ITGA8: variants seen among roughly 807,000 people sequenced by gnomAD.
ITGA8 encodes the protein integrin alpha-8.
ITGA8 carries 91 observed loss-of-function variants against 142.3 expected under a neutral mutation model. The ratio of observed to expected loss-of-function variants is 0.64; its 90% CI spans 0.54 to 0.76. The LOEUF is 0.76. ITGA8 is among the 30% of genes least tolerant of loss of function. ITGA8 has a pLI of 0.00. For synonymous variants in ITGA8, 505 were observed against 485.2 expected, an observed-to-expected ratio of 1.04 and a Z score of -0.54; for missense variants, 1,406 against 1,327.7, an observed-to-expected ratio of 1.06 and a Z score of -0.92.
chr10:15,523,831 C>CTGA (rs1339529707), intron 28 of ITGA8, among the ~76,000 whole-genome samples: 2 of 151,278 alleles, frequency 1.3e-5, no homozygotes, highest in Admixed American at 6.6e-5. Context: ...GCTCAGGAGG[C>CTGA]TGAGGCAGGA....
At position 15,616,590 on chromosome 10, in the gene ITGA8, G is replaced by A. The variant is rs748131005; in HGVS notation, c.1400-31C>T. The A allele has an allele frequency of 9.4e-6, 15 of 1,590,568 alleles. No homozygotes were observed. In the Admixed American group the frequency reaches 1.2e-4, roughly 12 times the overall value. On this transcript the variant is annotated intron_variant, in intron 13 of 29. Transcript: ENST00000378076. ...AAAGACAAAAACACAGAACACATGC[G>A]TGAATCGTATAGAAACAATTTACTA...
At chr10:15,539,506 G>T (rs556378482) in intron 27 of ITGA8, among the ~76,000 whole-genome samples, 2 of 151,990 alleles carry the variant, frequency 1.3e-5, no homozygotes, top group Admixed American at 1.3e-4. Context: ...CCAATACTGC[G>T]GGTCATTATT....
chr10:15,607,744 C>CA lies in ITGA8; in HGVS notation c.1696_1697insT (p.Arg566LeufsTer25). On this transcript the variant is annotated frameshift_variant, in exon 17 of 30. Coordinates refer to ENST00000378076, the MANE Select transcript of ITGA8 (RefSeq NM_003638.3). LOFTEE classifies it high-confidence loss of function. ...CCTTTTTATCACAAGAGGGAAGACG[C>CA]GATGAGCCTGATGGTTATCAAGGAA... 6.2e-7 allele frequency: 1 copy of CA among 1,613,720 alleles called. No individual in the cohort carries two copies. Among genetic ancestry groups the CA allele is most frequent in the Non-Finnish European group, 8.5e-7 (1 of 1,179,666 alleles).
At chr10:15,562,635 T>C (rs1035101513) in intron 25 of ITGA8, among the ~76,000 whole-genome samples, 1 of 151,968 alleles carries the variant, frequency 6.6e-6, no homozygotes, top group Non-Finnish European at 1.5e-5. Context: ...AAACAGGAGA[T>C]TGAATTGGAG....
intron 4 of ITGA8, among the ~76,000 whole-genome samples, chr10:15,682,073 C>A (rs562655228): frequency 9.2e-5 from 14 of 152,292 alleles, no homozygotes; most frequent in African/African-American, 3.4e-4. Context: ...TTCTCTCCTC[C>A]AATAATCATT....
chr10:15,520,338 GGGAGGT>G (rs1016573259), intron 28 of ITGA8, among the ~76,000 whole-genome samples: 4 of 152,286 alleles, frequency 2.6e-5, no homozygotes, highest in African/African-American at 9.6e-5. Context: ...GCTTGAACCT[GGGAGGT>G]GGAGGTTGTA....
intron 2 of ITGA8, among the ~76,000 whole-genome samples, chr10:15,709,359 CT>C (rs1835321718): frequency 6.6e-6 from 1 of 152,190 alleles, no homozygotes; most frequent in East Asian, 1.9e-4. Context: ...ACAGACACAC[CT>C]TTACAGAACA....
chr10:15,555,300 A>C (rs1278560809), intron 26 of ITGA8, among the ~76,000 whole-genome samples: 6 of 152,214 alleles, frequency 3.9e-5, no homozygotes, highest in Non-Finnish European at 7.3e-5. Context: ...CACACCATGG[A>C]GCATTTTAGA....
chr10:15,574,646 C>G (rs1425709426), intron 24 of ITGA8, among the ~76,000 whole-genome samples: 1 of 151,938 alleles, frequency 6.6e-6, no homozygotes, highest in African/African-American at 2.4e-5. Flanking sequence ...GCCTTGGCCT[C>G]CCGAAGTGCT....
At chr10:15,615,831 A>T (rs897202005) in intron 14 of ITGA8, among the ~76,000 whole-genome samples, 7 of 151,932 alleles carry the variant, frequency 4.6e-5, no homozygotes, top group Non-Finnish European at 8.8e-5. Flanking sequence ...TTTTTTTTTT[A>T]AAAGAAGCTA....
intron 2 of ITGA8, among the ~76,000 whole-genome samples, chr10:15,688,551 G>T (rs1352994693): frequency 1.3e-5 from 2 of 152,126 alleles, no homozygotes; most frequent in Admixed American, 6.5e-5. Flanking sequence ...TACAAGAAAA[G>T]AAAATTACAG....
intron 13 of ITGA8, among the ~76,000 whole-genome samples, chr10:15,623,106 T>C (rs991754709): frequency 6.6e-6 from 1 of 151,764 alleles, no homozygotes; most frequent in Non-Finnish European, 1.5e-5. Context: ...TGAGGATATG[T>C]TGGACAGTTG....
intron 17 of ITGA8, among the ~76,000 whole-genome samples, chr10:15,607,347 T>C (rs1833212674): frequency 1.3e-5 from 2 of 152,104 alleles, no homozygotes; most frequent in Non-Finnish European, 2.9e-5. Flanking sequence ...CATACTCACA[T>C]AGGAGAAAAA....
chr10:15,683,410 G>A (rs1411730769), intron 4 of ITGA8, among the ~76,000 whole-genome samples: 1 of 149,734 alleles, frequency 6.7e-6, no homozygotes, highest in African/African-American at 2.4e-5. Flanking sequence ...CCCCAAAGAT[G>A]ACACTCCCAG....
At chr10:15,626,454 C>G (rs923736189) in intron 13 of ITGA8, among the ~76,000 whole-genome samples, 1 of 152,110 alleles carries the variant, frequency 6.6e-6, no homozygotes, top group African/African-American at 2.4e-5. Context: ...CTCCTGATCT[C>G]GTAATCCTCC....
chr10:15,593,835 A>G (rs1832965050), intron 21 of ITGA8, among the ~76,000 whole-genome samples: 1 of 135,536 alleles, frequency 7.4e-6, no homozygotes, highest in African/African-American at 2.7e-5. Flanking sequence ...ACGCCCCAGC[A>G]AAGATTTTTT....
intron 6 of ITGA8, 70 bp downstream of exon 6, chr10:15,677,522 C>T: frequency 8.2e-7 from 1 of 1,217,590 alleles, no homozygotes; most frequent in South Asian, 1.3e-5. Flanking sequence ...AAACATTTAA[C>T]ACTACTTCTG....
At chr10:15,546,050 G>A (rs778330243) in intron 27 of ITGA8, among the ~76,000 whole-genome samples, 4 of 152,130 alleles carry the variant, frequency 2.6e-5, no homozygotes, top group Non-Finnish European at 4.4e-5. Flanking sequence ...TGCACAGCTC[G>A]TTGTATTCTG....
intron 2 of ITGA8, among the ~76,000 whole-genome samples, chr10:15,694,676 G>GATATATATATATATATAT (rs1835015521): frequency 2.4e-4 from 3 of 12,310 alleles, no homozygotes; most frequent in Admixed American, 1.6e-3. Context: ...TATATTTGTC[G>GATATATATATATATATAT]ACATATATAT....
Sources: gnomAD v4.1 joint callset for allele counts (sites outside exome capture counted in the v4.1 genomes callset) on GRCh38, gnomAD v4.1.1 for gene constraint, MANE v1.5 for transcripts, NCBI Gene and HGNC (gene_info 2026-07-23, HGNC 2026-07-21) for gene names.